The following KAZN variants were observed in gnomAD, a reference collection of about 807,000 sequenced individuals.
KAZN encodes kazrin, periplakin interacting protein, also known as kazrin.
In KAZN, 40 loss-of-function variants were observed where a neutral mutation model predicts 87.4. The ratio of observed to expected loss-of-function variants is 0.46; its 90% CI spans 0.36 to 0.60. The LOEUF is 0.60. KAZN is among the 20% of genes least tolerant of loss of function. The probability of loss-of-function intolerance (pLI) is 0.00; values close to 1 mark genes in which losing one functional copy is unlikely to be tolerated. For synonymous variants in KAZN, 466 were observed against 458.3 expected, an observed-to-expected ratio of 1.02 and a Z score of -0.22; for missense variants, 898 against 1,073.9, an observed-to-expected ratio of 0.84 and a Z score of 2.29.
intron 1 of KAZN, among the ~76,000 whole-genome samples, chr1:13,933,159 T>A (rs1640592189): frequency 6.6e-6 from 1 of 152,138 alleles, no homozygotes; most frequent in Non-Finnish European, 1.5e-5. Context: ...TGTTTCAGGG[T>A]CACATTTAGG....
chr1:14,302,789 AG>A (rs1654643336), intron 2 of KAZN, among the ~76,000 whole-genome samples: 1 of 152,184 alleles, frequency 6.6e-6, no homozygotes, highest in Admixed American at 6.5e-5. Flanking sequence ...TAGAAACCAA[AG>A]GTAAAATTGT....
At chr1:14,523,001 C>G (rs1671666798) in intron 2 of KAZN, among the ~76,000 whole-genome samples, 1 of 152,174 alleles carries the variant, frequency 6.6e-6, no homozygotes, top group Admixed American at 6.5e-5. Context: ...ATTCCCCCAA[C>G]TCCCCAGCAT....
chr1:14,703,381 A>G (rs1002523013), intron 1 of KAZN, among the ~76,000 whole-genome samples: 1 of 152,168 alleles, frequency 6.6e-6, no homozygotes, highest in African/African-American at 2.4e-5. Flanking sequence ...TATTCTCATA[A>G]TACTGAGTTA....
chr1:13,896,700 G>C (rs1176647909), intron 1 of KAZN, among the ~76,000 whole-genome samples: 1 of 152,250 alleles, frequency 6.6e-6, no homozygotes, highest in Non-Finnish European at 1.5e-5. Flanking sequence ...TTGGTCTGAT[G>C]CTCAGGCCTT....
chr1:14,561,390 C>T (rs138558482), intron 2 of KAZN, among the ~76,000 whole-genome samples: 230 of 152,188 alleles, frequency 1.5e-3, no homozygotes, highest in African/African-American at 5.1e-3. Context: ...CCGAGACTGG[C>T]GAAAAGATAA....
chr1:14,533,073 T>A (rs1672300852), intron 2 of KAZN, among the ~76,000 whole-genome samples: 1 of 152,208 alleles, frequency 6.6e-6, no homozygotes, highest in African/African-American at 2.4e-5. Flanking sequence ...AACATGTGTT[T>A]TTAGAAAGCT....
chr1:14,443,231 T>C (rs963667476), intron 2 of KAZN, among the ~76,000 whole-genome samples: 8 of 152,338 alleles, frequency 5.3e-5, no homozygotes, highest in Admixed American at 1.3e-4. Context: ...CTCAAGTCTC[T>C]CCCGAATGGG....
intron 2 of KAZN, among the ~76,000 whole-genome samples, chr1:14,547,644 G>T (rs1334789425): frequency 6.6e-6 from 1 of 152,142 alleles, no homozygotes; most frequent in Non-Finnish European, 1.5e-5. Flanking sequence ...GTGCAGTGAT[G>T]CAGTCTCGGC....
At chr1:14,447,000 C>T (rs546714544) in intron 2 of KAZN, among the ~76,000 whole-genome samples, 3 of 152,180 alleles carry the variant, frequency 2.0e-5, no homozygotes, top group East Asian at 3.9e-4. Flanking sequence ...GTACAAATCC[C>T]GTCACCCAGT....
chr1:14,274,320 C>G (rs996972936), intron 2 of KAZN, among the ~76,000 whole-genome samples: 1 of 152,190 alleles, frequency 6.6e-6, no homozygotes, highest in Non-Finnish European at 1.5e-5. Context: ...TATCTCTGGT[C>G]TACTGGCTTC....
intron 2 of KAZN, among the ~76,000 whole-genome samples, chr1:14,357,818 G>A (rs559691828): frequency 8.5e-5 from 13 of 152,096 alleles, no homozygotes; most frequent in African/African-American, 1.2e-4. Flanking sequence ...TGCTGGATTC[G>A]GTTTGCCAGT....
intron 2 of KAZN, among the ~76,000 whole-genome samples, chr1:14,250,837 A>G (rs1649962249): frequency 6.6e-6 from 1 of 151,870 alleles, no homozygotes; most frequent in Admixed American, 6.6e-5. Context: ...ATTTATTAAT[A>G]GCAAAAAAGA....
intron 2 of KAZN, among the ~76,000 whole-genome samples, chr1:14,319,517 C>T (rs1044505084): frequency 3.3e-5 from 5 of 152,246 alleles, no homozygotes; most frequent in African/African-American, 1.2e-4. Context: ...GGCTCTATGC[C>T]GATTCTCGGG....
At chr1:14,659,793 G>A (rs544504885) in intron 1 of KAZN, among the ~76,000 whole-genome samples, 6 of 151,696 alleles carry the variant, frequency 4.0e-5, no homozygotes, top group African/African-American at 1.2e-4. Flanking sequence ...GAGACTGGCT[G>A]TTTCCTTTGT....
intron 2 of KAZN, among the ~76,000 whole-genome samples, chr1:14,252,609 T>A (rs182591112): frequency 2.0e-5 from 3 of 152,300 alleles, no homozygotes; most frequent in Admixed American, 2.0e-4. Flanking sequence ...GGTTGCTCTG[T>A]TGGTATACAT....
chr1:14,285,334 TCTC>T (rs1653158814), intron 2 of KAZN, among the ~76,000 whole-genome samples: 1 of 152,160 alleles, frequency 6.6e-6, no homozygotes, highest in South Asian at 2.1e-4. Flanking sequence ...CACTAGACAT[TCTC>T]CTCACATCCC....
At chr1:14,480,254 T>C (rs2486764) in intron 2 of KAZN, among the ~76,000 whole-genome samples, 66,734 of 152,104 alleles carry the variant, frequency 0.44, 15,065 homozygotes, top group East Asian at 0.6. Context: ...AAAGGGGACC[T>C]TCTATAGGTC....
At chr1:14,110,207 G>C (rs1414691203) in intron 1 of KAZN, among the ~76,000 whole-genome samples, 1 of 152,200 alleles carries the variant, frequency 6.6e-6, no homozygotes, top group Non-Finnish European at 1.5e-5. Flanking sequence ...TCAGCTGGAT[G>C]TTCCGTTTCC....
chr1:14,806,781 G>A (rs1365766344), intron 1 of KAZN, among the ~76,000 whole-genome samples: 1 of 152,180 alleles, frequency 6.6e-6, no homozygotes, highest in African/African-American at 2.4e-5. Flanking sequence ...CTGCTCCAAG[G>A]TTTGGAGCCA....
Sources: gnomAD v4.1 joint callset for allele counts (sites outside exome capture counted in the v4.1 genomes callset) on GRCh38, gnomAD v4.1.1 for gene constraint, MANE v1.5 for transcripts, NCBI Gene and HGNC (gene_info 2026-07-23, HGNC 2026-07-21) for gene names.